The following MAP4K3 variants were observed in gnomAD, a reference collection of about 807,000 sequenced individuals.
The protein encoded by MAP4K3 is mitogen-activated protein kinase kinase kinase kinase 3.
A neutral mutation model predicts 143.5 loss-of-function variants in MAP4K3; 94 were observed. The observed-to-expected ratio is 0.65, with a 90% CI of 0.55 to 0.78. The LOEUF (loss-of-function observed/expected upper bound fraction) is 0.78. Among genes scored for constraint, MAP4K3 ranks in the 30% least tolerant of loss-of-function variants. The probability of loss-of-function intolerance (pLI) is 0.00; values close to 1 mark genes in which losing one functional copy is unlikely to be tolerated. For missense variants in MAP4K3, 1,077 were observed against 1,068.1 expected (o/e 1.01, Z -0.12); for synonymous variants, 416 against 347.2 (o/e 1.20, Z -2.20).
intron 1 of MAP4K3, among the ~76,000 whole-genome samples, chr2:39,387,753 C>G (rs931659508): frequency 2.0e-5 from 3 of 152,232 alleles, no homozygotes; most frequent in African/African-American, 7.2e-5. Flanking sequence ...CCTTGAGTTC[C>G]TGACAAGCTT....
At chr2:39,419,274 C>A (rs936311562) in intron 1 of MAP4K3, among the ~76,000 whole-genome samples, 9 of 151,858 alleles carry the variant, frequency 5.9e-5, no homozygotes, top group African/African-American at 2.2e-4. Flanking sequence ...TACTGCCAGA[C>A]AAAATAAGTT....
At chr2:39,412,179 T>A (rs988264521) in intron 1 of MAP4K3, among the ~76,000 whole-genome samples, 1 of 152,174 alleles carries the variant, frequency 6.6e-6, no homozygotes, top group African/African-American at 2.4e-5. Context: ...AGAACATACT[T>A]TCAGGGGCAA....
At chr2:39,413,688 G>A (rs866676935) in intron 1 of MAP4K3, among the ~76,000 whole-genome samples, 2 of 151,764 alleles carry the variant, frequency 1.3e-5, no homozygotes, top group South Asian at 2.1e-4. Flanking sequence ...CCAGGGTAGA[G>A]GTGGGCCCCC....
At chr2:39,436,644 G>T (rs537901169) in intron 1 of MAP4K3, 3 of 529,846 alleles carry the variant, frequency 5.7e-6, no homozygotes, top group South Asian at 2.1e-5. Flanking sequence ...GGAAATGCGC[G>T]CAAGAAGGGA....
intron 1 of MAP4K3, among the ~76,000 whole-genome samples, chr2:39,419,872 T>C (rs762677705): frequency 6.6e-6 from 1 of 152,206 alleles, no homozygotes; most frequent in Non-Finnish European, 1.5e-5. Context: ...GATTTGGAGT[T>C]TGTGGTTTTA....
At chr2:39,392,055 C>T (rs935669712) in intron 1 of MAP4K3, among the ~76,000 whole-genome samples, 1 of 151,536 alleles carries the variant, frequency 6.6e-6, no homozygotes, top group Non-Finnish European at 1.5e-5. Context: ...GTAGGTAGCG[C>T]GCGCCTGTAG....
At chr2:39,374,232 A>C (rs993703607) in intron 2 of MAP4K3, among the ~76,000 whole-genome samples, 15 of 152,166 alleles carry the variant, frequency 9.9e-5, no homozygotes, top group African/African-American at 3.4e-4. Context: ...AAATACAAAA[A>C]TTAGCCAGGC....
intron 1 of MAP4K3, among the ~76,000 whole-genome samples, chr2:39,411,702 C>T (rs1667236967): frequency 6.6e-6 from 1 of 152,094 alleles, no homozygotes; most frequent in Admixed American, 6.5e-5. Flanking sequence ...CTTTCATGAG[C>T]ACAGAAGTTT....
intron 31 of MAP4K3, among the ~76,000 whole-genome samples, chr2:39,255,122 T>C (rs558340039): frequency 5.3e-4 from 81 of 152,334 alleles, no homozygotes; most frequent in East Asian, 1.7e-3. Context: ...TTTTTACTAT[T>C]ACTATAAGTT....
At chr2:39,415,266 T>C (rs1279365053) in intron 1 of MAP4K3, among the ~76,000 whole-genome samples, 4 of 152,192 alleles carry the variant, frequency 2.6e-5, no homozygotes, top group African/African-American at 9.7e-5. Context: ...CCTTCAGATG[T>C]TTTATGCTTA....
intron 12 of MAP4K3, among the ~76,000 whole-genome samples, chr2:39,321,078 G>C (rs1343791666): frequency 1.3e-5 from 2 of 152,124 alleles, no homozygotes; most frequent in African/African-American, 4.8e-5. Context: ...TGTGCAACCT[G>C]CTTTTTAGTT....
intron 2 of MAP4K3, among the ~76,000 whole-genome samples, chr2:39,367,909 C>A (rs1366324435): frequency 1.3e-5 from 2 of 152,124 alleles, no homozygotes; most frequent in Non-Finnish European, 2.9e-5. Context: ...GAACCAGTTC[C>A]ACTCCTTTCT....
At chr2:39,341,146 G>A (rs1382994198) in intron 4 of MAP4K3, among the ~76,000 whole-genome samples, 1 of 152,020 alleles carries the variant, frequency 6.6e-6, no homozygotes, top group African/African-American at 2.4e-5. Context: ...AAGACAAAAA[G>A]CAATTAGAGA....
At chr2:39,407,678 C>A (rs1259876298) in intron 1 of MAP4K3, among the ~76,000 whole-genome samples, 2 of 152,148 alleles carry the variant, frequency 1.3e-5, no homozygotes, top group African/African-American at 4.8e-5. Context: ...CTAAAGTGAT[C>A]CTCTCATCTC....
intron 1 of MAP4K3, among the ~76,000 whole-genome samples, chr2:39,410,211 T>C (rs1667199153): frequency 6.6e-6 from 1 of 152,194 alleles, no homozygotes; most frequent in South Asian, 2.1e-4. Flanking sequence ...TGATTTCTAG[T>C]TCAGCAACAG....
At position 39,436,793 on chromosome 2, in the gene MAP4K3, C is replaced by A; in HGVS notation, c.96+99G>T. On this transcript the variant is annotated intron_variant, in intron 1 of 33. Transcript: ENST00000263881. ...CCTCCTCCCCGACTGCTCCCTGGCG[C>A]CAGCGTCTCCCGAGGACAGGCGGCA... 6 of 1,014,468 alleles carry A rather than the reference C, an allele frequency of 5.9e-6. No homozygotes were observed. In the South Asian group the frequency reaches 7.0e-5, roughly 12 times the overall value. The allele number at this position is 1,014,468 out of a possible 1,614,324, so 62.8% of individuals were successfully genotyped here.
At position 39,250,571 on chromosome 2, in the gene MAP4K3, G is replaced by T; in HGVS notation, c.*47C>A. On this transcript the variant is annotated 3_prime_UTR_variant, in exon 34 of 34. Coordinates refer to ENST00000263881, the MANE Select transcript of MAP4K3 (RefSeq NM_003618.4). ...TTCAAGCATCCATTAATGTTGCAGT[G>T]GTAGTGTTCTTTCTTTCTAGAGTTA... The T allele has an allele frequency of 3.3e-6, 5 of 1,509,604 alleles. No individual in the cohort carries two copies. Among genetic ancestry groups the T allele is most frequent in the Non-Finnish European group, 4.6e-6 (5 of 1,087,388 alleles). The allele number at this position is 1,509,604 out of a possible 1,614,324, so 93.5% of individuals were successfully genotyped here. A position where few individuals can be genotyped will look rare whatever the true frequency, so the allele number is the denominator to read the frequency against.
At chr2:39,393,397 T>A (rs1666720082) in intron 1 of MAP4K3, among the ~76,000 whole-genome samples, 1 of 152,218 alleles carries the variant, frequency 6.6e-6, no homozygotes, top group African/African-American at 2.4e-5. Flanking sequence ...TACAAGAGAA[T>A]ATACTTTTCA....
At chr2:39,325,411 C>G in intron 12 of MAP4K3, 107 bp downstream of exon 12, 1 of 614,658 alleles carries the variant, frequency 1.6e-6, no homozygotes. Context: ...TTTATTTAAA[C>G]TAGGCCCCAA....
Sources: allele counts gnomAD v4.1 joint callset (sites outside exome capture counted in the v4.1 genomes callset), GRCh38; gene constraint gnomAD v4.1.1; transcripts MANE v1.5; gene names NCBI Gene and HGNC (gene_info 2026-07-23, HGNC 2026-07-21).